The following PRKG1 variants were observed in gnomAD, a reference collection of about 807,000 sequenced individuals.
The protein encoded by PRKG1 is cGMP-dependent protein kinase 1.
A neutral mutation model predicts 88.1 loss-of-function variants in PRKG1; 35 were observed. That is an observed-to-expected ratio of 0.40 (90% CI 0.30 to 0.53). PRKG1 has a LOEUF of 0.53. Among genes scored for constraint, PRKG1 ranks in the 20% least tolerant of loss-of-function variants. The pLI, the probability that PRKG1 is intolerant of heterozygous loss-of-function variation, is 0.59. For missense variants in PRKG1, 540 were observed against 839.8 expected (o/e 0.64, Z 4.41); for synonymous variants, 303 against 292.5 (o/e 1.04, Z -0.37).
chr10:51,815,250 A>T (rs1474779434), intron 4 of PRKG1, among the ~76,000 whole-genome samples: 1 of 152,284 alleles, frequency 6.6e-6, no homozygotes, highest in South Asian at 2.1e-4. Context: ...GGCTTATTTT[A>T]TTTCTGTATC....
chr10:51,627,954 C>A (rs1484537309), intron 3 of PRKG1, among the ~76,000 whole-genome samples: 1 of 15,574 alleles, frequency 6.4e-5, no homozygotes, highest in Non-Finnish European at 1.9e-4. Context: ...TTCTTTCTTT[C>A]TTTCTTTCTT....
chr10:51,172,327 A>G (rs1266394423), intron 2 of PRKG1, among the ~76,000 whole-genome samples: 1 of 152,114 alleles, frequency 6.6e-6, no homozygotes, highest in Non-Finnish European at 1.5e-5. Context: ...CAAAAGGGGC[A>G]TAAGCTATAT....
chr10:51,084,232 G>C (rs1829651436), intron 1 of PRKG1, among the ~76,000 whole-genome samples: 1 of 152,116 alleles, frequency 6.6e-6, no homozygotes, highest in South Asian at 2.1e-4. Context: ...GCGTAATTGG[G>C]GAGGGATAAG....
At chr10:51,518,405 A>T (rs995784142) in intron 3 of PRKG1, among the ~76,000 whole-genome samples, 5 of 152,210 alleles carry the variant, frequency 3.3e-5, no homozygotes, top group African/African-American at 4.8e-5. Flanking sequence ...AGGATTATCA[A>T]ACCACACAAT....
At position 51,552,014 on chromosome 10, in the gene PRKG1, G is replaced by A. The variant is rs113385744; in HGVS notation, c.592+84178G>A. Among the ~76,000 whole-genome samples the A allele has an allele frequency of 6.1e-3, 926 of 151,598 alleles. 18 individuals carry two copies. The highest frequency in any genetic ancestry group is 0.021 in the African/African-American group (884 of 41,468). ...ATAAGCTAATCATTCTTAGTATTTG[G>A]CCAGATTTCATTTTTCCCATCTTAG... is the stretch of plus-strand genomic sequence containing the variant. On this transcript the variant is annotated intron_variant, in intron 3 of 17. Coordinates refer to ENST00000373980, the MANE Select transcript of PRKG1 (RefSeq NM_006258.4).
chr10:51,432,460 T>C (rs1285656249), intron 2 of PRKG1, among the ~76,000 whole-genome samples: 1 of 152,094 alleles, frequency 6.6e-6, no homozygotes, highest in Non-Finnish European at 1.5e-5. Context: ...GAGTGAAAGC[T>C]TAGGGAGTTA....
intron 8 of PRKG1, among the ~76,000 whole-genome samples, chr10:52,150,876 TAG>T (rs1837893836): frequency 6.6e-6 from 1 of 152,168 alleles, no homozygotes; most frequent in Non-Finnish European, 1.5e-5. Context: ...AGTTTTTAAA[TAG>T]TCAGTTACTA....
At chr10:51,820,321 G>T (rs1024118705) in intron 4 of PRKG1, among the ~76,000 whole-genome samples, 1 of 151,854 alleles carries the variant, frequency 6.6e-6, no homozygotes, top group African/African-American at 2.4e-5. Flanking sequence ...TTCTTATGCC[G>T]CCACCATCTA....
At position 51,525,470 on chromosome 10, in the gene PRKG1, A is replaced by T. The variant is rs111591897; in HGVS notation, c.592+57634A>T. Among the ~76,000 whole-genome samples, 538 of 152,246 alleles carry T rather than the reference A, an allele frequency of 3.5e-3. 4 individuals carry two copies. The highest frequency in any genetic ancestry group is 0.012 in the African/African-American group (510 of 41,560). ...TCCCAGCACTTTGGGAGGTCGAGGC[A>T]GGCAGATCACGAGGTCAGGAAATCG... On this transcript the variant is annotated intron_variant, in intron 3 of 17. Coordinates refer to ENST00000373980, the MANE Select transcript of PRKG1 (RefSeq NM_006258.4).
chr10:51,255,989 T>G (rs1027279892), intron 2 of PRKG1, among the ~76,000 whole-genome samples: 74 of 152,118 alleles, frequency 4.9e-4, no homozygotes, highest in African/African-American at 1.8e-3. Flanking sequence ...CAAACATAGA[T>G]CCATTTAGTC....
In PRKG1 at chr10:51,158,347, C is replaced by T. The variant is rs578200291; in HGVS notation, c.478+5017C>T. 7.2e-5 allele frequency among the ~76,000 whole-genome samples: 11 copies of T among 151,884 alleles called. No homozygotes were observed. The East Asian group carries it at 1.9e-3, about 27-fold the overall frequency. ...AAATACACGTCTTAGCCTTGGAGTCCCCATGCCTAAGGAATGTGCGGTGCT... is the reference window on the plus strand; with the variant it reads ...AAATACACGTCTTAGCCTTGGAGTCTCCATGCCTAAGGAATGTGCGGTGCT... On this transcript the variant is annotated intron_variant, in intron 2 of 17. Transcript: ENST00000373980.
At chr10:51,759,649 G>C (rs913513916) in intron 3 of PRKG1, among the ~76,000 whole-genome samples, 1 of 152,160 alleles carries the variant, frequency 6.6e-6, no homozygotes, top group African/African-American at 2.4e-5. Context: ...CATTTGAGGA[G>C]AGTCTTTCAA....
In PRKG1 at chr10:52,288,707, G is replaced by A. The variant is rs770131726; in HGVS notation, c.1710-19G>A. 1.4e-5 allele frequency: 22 copies of A among 1,565,310 alleles called. No individual in the cohort carries two copies. Among genetic ancestry groups the A allele is most frequent in the East Asian group, 1.1e-4 (5 of 44,442 alleles). ...GAAAATAAAAGTAATATCTCTTGTCGTGTCTCTCATTCTTGCAGCCCACCT... is the reference window on the plus strand; with the variant it reads ...GAAAATAAAAGTAATATCTCTTGTCATGTCTCTCATTCTTGCAGCCCACCT... On this transcript the variant is annotated intron_variant, in intron 14 of 17. Transcript: ENST00000373980.
intron 3 of PRKG1, among the ~76,000 whole-genome samples, chr10:51,724,257 C>T (rs1393376942): frequency 6.6e-6 from 1 of 152,180 alleles, no homozygotes; most frequent in African/African-American, 2.4e-5. Flanking sequence ...ATTCAACAGG[C>T]TCAGTGACCT....
At chr10:51,125,706 T>G (rs968964759) in intron 1 of PRKG1, among the ~76,000 whole-genome samples, 1 of 147,184 alleles carries the variant, frequency 6.8e-6, no homozygotes, top group Admixed American at 6.8e-5. Context: ...ATTTATTTTT[T>G]AAATTATATA....
chr10:51,497,533 A>C (rs1161131308), intron 3 of PRKG1, among the ~76,000 whole-genome samples: 1 of 152,240 alleles, frequency 6.6e-6, no homozygotes, highest in Non-Finnish European at 1.5e-5. Flanking sequence ...GTGTGGTCGC[A>C]TGATAATGAA....
At chr10:51,157,791 G>A (rs997126557) in intron 2 of PRKG1, among the ~76,000 whole-genome samples, 1 of 150,900 alleles carries the variant, frequency 6.6e-6, no homozygotes, top group Non-Finnish European at 1.5e-5. Context: ...AAACTTTTTC[G>A]ATGAAATCAT....
At chr10:51,881,234 T>G (rs558961597) in intron 4 of PRKG1, among the ~76,000 whole-genome samples, 23 of 152,320 alleles carry the variant, frequency 1.5e-4, no homozygotes, top group African/African-American at 5.5e-4. Flanking sequence ...TGGCCTCAAA[T>G]AGTGTTTCAC....
At chr10:51,705,201 G>T (rs1841576623) in intron 3 of PRKG1, among the ~76,000 whole-genome samples, 1 of 151,464 alleles carries the variant, frequency 6.6e-6, no homozygotes, top group African/African-American at 2.4e-5. Flanking sequence ...AAATCTTTCT[G>T]TTCTTCAATG....
Sources: allele counts gnomAD v4.1 joint callset (sites outside exome capture counted in the v4.1 genomes callset), GRCh38; gene constraint gnomAD v4.1.1; transcripts MANE v1.5; gene names NCBI Gene and HGNC (gene_info 2026-07-23, HGNC 2026-07-21).